Variants in ARHGAP31 observed in about 807,000 individuals in gnomAD.
ARHGAP31 encodes the protein rho GTPase-activating protein 31.
In ARHGAP31, 34 loss-of-function variants were observed where a neutral mutation model predicts 113.9. That is an observed-to-expected ratio of 0.30 (90% CI 0.23 to 0.40). The LOEUF (loss-of-function observed/expected upper bound fraction) is 0.40. Among genes scored for constraint, ARHGAP31 ranks in the 10% least tolerant of loss-of-function variants. ARHGAP31 has a pLI of 1.00. For synonymous variants in ARHGAP31, 650 were observed against 684.8 expected (o/e 0.95, Z 0.79); for missense variants, 1,548 against 1,767.1 (o/e 0.88, Z 2.22).
At chr3:119,348,821 C>A (rs1026100818) in intron 1 of ARHGAP31, among the ~76,000 whole-genome samples, 1 of 152,064 alleles carries the variant, frequency 6.6e-6, no homozygotes, top group African/African-American at 2.4e-5. Flanking sequence ...GGATGCAGAA[C>A]CCACAAATAT....
chr3:119,300,942 C>A (rs913869200), intron 1 of ARHGAP31, among the ~76,000 whole-genome samples: 1 of 151,994 alleles, frequency 6.6e-6, no homozygotes, highest in Non-Finnish European at 1.5e-5. Flanking sequence ...GCTTGTGGAG[C>A]AAGAACAGCA....
rs558053225 is a variant in ARHGAP31, at chr3:119,402,069, G to A, written c.1317G>A (p.Glu439=). 1.9e-6 allele frequency: 3 copies of A among 1,614,216 alleles called. No individual in the cohort carries two copies. Among genetic ancestry groups the A allele is most frequent in the African/African-American group, 2.7e-5 (2 of 75,050 alleles). Residue 439 remains glutamate (E), a synonymous_variant, in exon 10 of 12, where the codon GAG becomes GAA. Coordinates refer to ENST00000264245, the MANE Select transcript of ARHGAP31 (RefSeq NM_020754.4). ...PEQLKVFRPV[E]DPESEQTAPK... ...AGCTGAAGGTTTTCCGGCCTGTTGA[G>A]GATCCGGAGAGCGAGCAAACAGCCC... is the stretch of plus-strand genomic sequence containing the variant.
chr3:119,327,096 C>T (rs1301028450), intron 1 of ARHGAP31, among the ~76,000 whole-genome samples: 3 of 151,628 alleles, frequency 2.0e-5, no homozygotes, highest in East Asian at 1.9e-4. Context: ...GGTGAGATGG[C>T]GCCACTGCAC....
In ARHGAP31 at chr3:119,354,125, C is replaced by T. The variant is rs957398919; in HGVS notation, c.101-11191C>T. Among the ~76,000 whole-genome samples the T allele has an allele frequency of 3.3e-5, 5 of 152,364 alleles. No individual in the cohort carries two copies. The East Asian group carries it at 7.7e-4, about 24-fold the overall frequency. Reference sequence around the variant, plus strand: ...AGGGACCCCCACCCGGGGAACCGGGCTCCAGGCTGCCTTGCTCAGCAGGAT... The same window carrying T: ...AGGGACCCCCACCCGGGGAACCGGGTTCCAGGCTGCCTTGCTCAGCAGGAT... On this transcript the variant is annotated intron_variant, in intron 1 of 11. Coordinates refer to ENST00000264245, the MANE Select transcript of ARHGAP31 (RefSeq NM_020754.4).
chr3:119,367,091 T>TA (rs10706024), intron 2 of ARHGAP31, among the ~76,000 whole-genome samples: 226 of 143,540 alleles, frequency 1.6e-3, no homozygotes, highest in Middle Eastern at 0.011. Flanking sequence ...AAACTCCATC[T>TA]AAAAAAAAAA....
chr3:119,339,533 G>A (rs1577002141), intron 1 of ARHGAP31, among the ~76,000 whole-genome samples: 1 of 152,132 alleles, frequency 6.6e-6, no homozygotes, highest in African/African-American at 2.4e-5. Flanking sequence ...CAAAGGTGGT[G>A]TCCTATTAGC....
chr3:119,350,134 A>AAGAAATGTTCATGGAAGAAAT (rs1417552246), intron 1 of ARHGAP31, among the ~76,000 whole-genome samples: 3 of 152,236 alleles, frequency 2.0e-5, no homozygotes, highest in Admixed American at 6.5e-5. Flanking sequence ...ACACTGAACA[A>AAGAAATGTTCATGGAAGAAAT]GCTCATGGAA....
Position 119,416,404 on chromosome 3 carries a change from AC to A in ARHGAP31, c.*142del. 1.6e-6 allele frequency: 2 copies of A among 1,220,062 alleles called. No homozygotes were observed. Among genetic ancestry groups the A allele is most frequent in the African/African-American group, 1.5e-5 (1 of 66,618 alleles). 75.6% of individuals were successfully genotyped at this position (1,220,062 alleles called of 1,614,324 possible). On this transcript the variant is annotated 3_prime_UTR_variant, in exon 12 of 12. Transcript: ENST00000264245. Reference sequence around the variant, plus strand: ...TGACTTCTCTTTCTTCAGCCTTTTGACCACTTATTAATTAGTCCATTTGCTA... The same window carrying A: ...TGACTTCTCTTTCTTCAGCCTTTTGACACTTATTAATTAGTCCATTTGCTA...
rs1327802441 is a variant in ARHGAP31, at chr3:119,418,594, ATTT to A, written c.*2333_*2335del. 1 of 152,216 alleles carries A rather than the reference ATTT, an allele frequency of 6.6e-6. No individual in the cohort carries two copies. The highest frequency in any genetic ancestry group is 1.5e-5 in the Non-Finnish European group (1 of 68,036). The allele number at this position is 152,216 out of a possible 1,614,324, so 9.4% of individuals were successfully genotyped here. ...TTGTTTGGTAACATTTATAAGATCT[ATTT>A]TTATTTGGGGATAGACTGAGAAGCC... On this transcript the variant is annotated 3_prime_UTR_variant, in exon 12 of 12. Transcript: ENST00000264245.
chr3:119,308,933 T>C (rs2079654282), intron 1 of ARHGAP31, among the ~76,000 whole-genome samples: 1 of 152,140 alleles, frequency 6.6e-6, no homozygotes, highest in Non-Finnish European at 1.5e-5. Context: ...CTTGACTTCC[T>C]GGACTCAAGT....
At chr3:119,391,739 A>C (rs1316322474) in intron 7 of ARHGAP31, among the ~76,000 whole-genome samples, 1 of 152,046 alleles carries the variant, frequency 6.6e-6, no homozygotes, top group Non-Finnish European at 1.5e-5. Flanking sequence ...TGGTCAGTGA[A>C]AACAGGTATG....
intron 1 of ARHGAP31, among the ~76,000 whole-genome samples, chr3:119,364,241 G>GT (rs1303451407): frequency 3.6e-4 from 47 of 129,566 alleles, no homozygotes; most frequent in African/African-American, 1.3e-3. Context: ...GGGGATGGAG[G>GT]TGGGGGGGCC....
intron 1 of ARHGAP31, among the ~76,000 whole-genome samples, chr3:119,303,323 G>T (rs1488776481): frequency 6.6e-6 from 1 of 152,174 alleles, no homozygotes; most frequent in Non-Finnish European, 1.5e-5. Flanking sequence ...TCCCCACAGG[G>T]GTTCATAGCT....
In ARHGAP31 at chr3:119,324,985, T is replaced by A. The variant is rs114769898; in HGVS notation, c.100+29981T>A. 7.0e-4 allele frequency: 320 copies of A among 456,672 alleles called. 1 individual carries two copies. The highest frequency in any genetic ancestry group is 5.9e-3 in the African/African-American group (295 of 50,218). 28.3% of individuals were successfully genotyped at this position (456,672 alleles called of 1,614,324 possible). Reference sequence around the variant, plus strand: ...TAAGCAATAAGCAGTACTCCTCATGTCAATAGTGGCATAGTGTGGACTTAT... The same window carrying A: ...TAAGCAATAAGCAGTACTCCTCATGACAATAGTGGCATAGTGTGGACTTAT... On this transcript the variant is annotated intron_variant, in intron 1 of 11. Coordinates refer to ENST00000264245, the MANE Select transcript of ARHGAP31 (RefSeq NM_020754.4).
chr3:119,399,047 G>A lies in ARHGAP31; in HGVS notation c.1007-152G>A, dbSNP rs952097214. 3.6e-5 allele frequency: 24 copies of A among 671,266 alleles called. No homozygotes were observed. The Admixed American group carries it at 4.4e-4, about 12-fold the overall frequency. The allele number at this position is 671,266 out of a possible 1,614,324, so 41.6% of individuals were successfully genotyped here. A position where few individuals can be genotyped will look rare whatever the true frequency, so the allele number is the denominator to read the frequency against. On this transcript the variant is annotated intron_variant, in intron 8 of 11. Coordinates refer to ENST00000264245, the MANE Select transcript of ARHGAP31 (RefSeq NM_020754.4). ...CATTAAGAAAGTAGGAACATCTAGG[G>A]TGGAGTAGAGGAATGTTTCCAAGGG...
chr3:119,307,611 C>G (rs1412078966), intron 1 of ARHGAP31, among the ~76,000 whole-genome samples: 2 of 151,990 alleles, frequency 1.3e-5, no homozygotes, highest in Non-Finnish European at 2.9e-5. Context: ...GGGAATGTGG[C>G]AAACTTTCTA....
At chr3:119,408,371 A>G (rs954831799) in intron 10 of ARHGAP31, among the ~76,000 whole-genome samples, 1 of 152,274 alleles carries the variant, frequency 6.6e-6, no homozygotes, top group African/African-American at 2.4e-5. Context: ...TAGTTCAGAC[A>G]TCAGAATGCT....
chr3:119,305,242 C>T (rs2079621301), intron 1 of ARHGAP31, among the ~76,000 whole-genome samples: 1 of 152,178 alleles, frequency 6.6e-6, no homozygotes, highest in Non-Finnish European at 1.5e-5. Context: ...ATATGCAGAG[C>T]TCCATTTTGC....
intron 2 of ARHGAP31, among the ~76,000 whole-genome samples, chr3:119,367,179 T>C (rs2107623655): frequency 6.6e-6 from 1 of 152,142 alleles, no homozygotes. Context: ...GGGATTTCCC[T>C]ACCCTTCATT....
Sources: allele counts gnomAD v4.1 joint callset (sites outside exome capture counted in the v4.1 genomes callset), GRCh38; gene constraint gnomAD v4.1.1; transcripts MANE v1.5; gene names NCBI Gene and HGNC (gene_info 2026-07-23, HGNC 2026-07-21).